The following STAG2 variants were observed in gnomAD, a reference collection of about 807,000 sequenced individuals.
STAG2 encodes the protein STAG2 cohesin complex component.
Under a neutral mutation model 108.1 loss-of-function variants are expected in STAG2, and 14 were observed. The observed-to-expected ratio is 0.13, with a 90% CI of 0.09 to 0.20. STAG2 has a LOEUF of 0.20. STAG2 is among the 10% of genes least tolerant of loss of function. The probability of loss-of-function intolerance (pLI) is 1.00; values close to 1 mark genes in which losing one functional copy is unlikely to be tolerated. For missense variants in STAG2, 440 were observed against 940.9 expected, an observed-to-expected ratio of 0.47 and a Z score of 6.96; for synonymous variants, 307 against 302.7, an observed-to-expected ratio of 1.01 and a Z score of -0.15.
intron 5 of STAG2, among the ~76,000 whole-genome samples, chrX:124,034,769 T>C (rs1366706505): frequency 9.0e-6 from 1 of 111,668 alleles, no homozygotes; most frequent in Non-Finnish European, 1.9e-5. Flanking sequence ...ATACTGTGCC[T>C]GACTTTGACT....
chrX:124,010,366 G>C (rs1287366135), intron 1 of STAG2, among the ~76,000 whole-genome samples: 1 of 111,399 alleles, frequency 9.0e-6, no homozygotes, highest in African/African-American at 3.3e-5. Flanking sequence ...CTCATAAGTT[G>C]AATCATATGG....
intron 3 of STAG2, among the ~76,000 whole-genome samples, chrX:124,024,414 A>C (rs1602900710): frequency 9.0e-6 from 1 of 110,531 alleles, no homozygotes; most frequent in Admixed American, 9.8e-5. Flanking sequence ...TGAGAAGATT[A>C]TTGATGACAA....
chrX:124,004,839 G>A (rs773369752), intron 1 of STAG2, among the ~76,000 whole-genome samples: 94 of 111,161 alleles, frequency 8.5e-4, no homozygotes, highest in Non-Finnish European at 2.1e-4. Context: ...GCAAAGTCCC[G>A]TGTGTCCTTC....
chrX:124,100,689 A>G lies in STAG2; in HGVS notation c.*92A>G. ...GTAGATACAGTGAAATTCTGTACAG[A>G]TTTTTCTCTAAGGAGAATATGACAT... On this transcript the variant is annotated 3_prime_UTR_variant, in exon 35 of 35. Transcript: ENST00000371145. The G allele has an allele frequency of 3.9e-6, 3 of 769,990 alleles. No individual in the cohort carries two copies. Among genetic ancestry groups the G allele is most frequent in the Non-Finnish European group, 5.8e-6 (3 of 518,185 alleles). 63.5% of individuals were successfully genotyped at this position (769,990 alleles called of 1,213,427 possible). A position where few individuals can be genotyped will look rare whatever the true frequency, so the allele number is the denominator to read the frequency against.
At chrX:123,964,100 T>C (rs2053989109) in intron 1 of STAG2, among the ~76,000 whole-genome samples, 1 of 111,680 alleles carries the variant, frequency 9.0e-6, no homozygotes, top group Non-Finnish European at 1.9e-5. Context: ...AACATTTCCA[T>C]AGTTTAAGAT....
chrX:124,039,137 TTTATTATTATTA>T (rs4028223), intron 6 of STAG2, among the ~76,000 whole-genome samples: 5 of 94,082 alleles, frequency 5.3e-5, no homozygotes, highest in African/African-American at 1.9e-4. Context: ...TCCCCTTTTA[TTTATTATTATTA>T]TTATTATTAT....
intron 1 of STAG2, among the ~76,000 whole-genome samples, chrX:123,964,342 C>T (rs750590553): frequency 2.7e-5 from 3 of 111,505 alleles, no homozygotes; most frequent in Non-Finnish European, 5.7e-5. Context: ...TATAACTTAG[C>T]CTGAATGTGC....
chrX:123,978,571 T>G (rs1166841390), intron 1 of STAG2, among the ~76,000 whole-genome samples: 1 of 111,532 alleles, frequency 9.0e-6, no homozygotes, highest in Non-Finnish European at 1.9e-5. Flanking sequence ...TAGCAGAGGA[T>G]TGGGCAAATC....
chrX:123,995,065 G>A (rs1057242366), intron 1 of STAG2, among the ~76,000 whole-genome samples: 1 of 111,750 alleles, frequency 8.9e-6, no homozygotes, highest in African/African-American at 3.2e-5. Flanking sequence ...AAAATGTGCC[G>A]ATTACAAAAA....
intron 4 of STAG2, among the ~76,000 whole-genome samples, chrX:124,028,774 C>A (rs1027912184): frequency 2.4e-4 from 23 of 94,945 alleles, no homozygotes; most frequent in African/African-American, 9.0e-4. Flanking sequence ...TTTGTACTGT[C>A]CAGGAGCTCT....
intron 5 of STAG2, among the ~76,000 whole-genome samples, chrX:124,037,311 G>A (rs2057549379): frequency 1.8e-5 from 2 of 111,671 alleles, no homozygotes; most frequent in African/African-American, 6.5e-5. Context: ...ATAAATAGAA[G>A]ATTGATAGGT....
intron 29 of STAG2, 111 bp from the exon 30 acceptor site, chrX:124,086,436 T>G: frequency 1.9e-6 from 1 of 534,653 alleles, no homozygotes; most frequent in East Asian, 3.5e-5. Flanking sequence ...ATTAATGTCC[T>G]GTAAGGCTGA....
intron 1 of STAG2, among the ~76,000 whole-genome samples, chrX:124,020,240 T>C (rs994514183): frequency 1.8e-5 from 2 of 112,253 alleles, no homozygotes; most frequent in Non-Finnish European, 3.8e-5. Flanking sequence ...TGTGATTCCT[T>C]AGGTGACTGT....
chrX:123,962,017 C>A (rs1369524775), intron 1 of STAG2, 161 bp downstream of exon 1: 1 of 112,592 alleles, frequency 8.9e-6, no homozygotes, highest in Non-Finnish European at 1.9e-5. Flanking sequence ...TTTGGCGCCA[C>A]TTTTGTTTTA....
chrX:124,077,146 A>G (rs1248066933), intron 26 of STAG2, among the ~76,000 whole-genome samples: 1 of 111,685 alleles, frequency 9.0e-6, no homozygotes, highest in Non-Finnish European at 1.9e-5. Context: ...AATATGTAAT[A>G]TATTTAAACC....
chrX:123,982,734 C>CT (rs1220083705), intron 1 of STAG2, among the ~76,000 whole-genome samples: 380 of 54,855 alleles, frequency 6.9e-3, no homozygotes, highest in Non-Finnish European at 0.01. Context: ...ACACTTTAGT[C>CT]TTTTTTTTTT....
chrX:123,982,010 A>C (rs1460085678), intron 1 of STAG2, among the ~76,000 whole-genome samples: 1 of 110,761 alleles, frequency 9.0e-6, no homozygotes, highest in African/African-American at 3.3e-5. Context: ...GCCACCTACC[A>C]CATGGAAATG....
In STAG2 at chrX:124,101,469, A is replaced by G. The variant is rs935594491; in HGVS notation, c.*872A>G. Reference sequence around the variant, plus strand: ...TTAGAGTGTGGGAATAGGGATCTAAATTTTAAATAAAATTATATATATATA... The same window carrying G: ...TTAGAGTGTGGGAATAGGGATCTAAGTTTTAAATAAAATTATATATATATA... On this transcript the variant is annotated 3_prime_UTR_variant, in exon 35 of 35. Coordinates refer to ENST00000371145, the MANE Select transcript of STAG2 (RefSeq NM_001042750.2). 6.6e-6 allele frequency: 1 copy of G among 150,791 alleles called. No homozygotes were observed. Among genetic ancestry groups the G allele is most frequent in the African/African-American group, 3.1e-5 (1 of 32,469 alleles). 12.4% of individuals were successfully genotyped at this position (150,791 alleles called of 1,213,427 possible). A position where few individuals can be genotyped will look rare whatever the true frequency, so the allele number is the denominator to read the frequency against.
intron 1 of STAG2, among the ~76,000 whole-genome samples, chrX:123,984,908 G>A (rs2055093135): frequency 1.8e-5 from 2 of 111,435 alleles, no homozygotes; most frequent in South Asian, 7.4e-4. Context: ...CTCCCAAAGT[G>A]GTGTGATTAC....
Sources: allele counts gnomAD v4.1 joint callset (sites outside exome capture counted in the v4.1 genomes callset), GRCh38; gene constraint gnomAD v4.1.1; transcripts MANE v1.5; gene names NCBI Gene and HGNC (gene_info 2026-07-23, HGNC 2026-07-21).